The following AIPL1 variants were observed in gnomAD, a reference collection of about 807,000 sequenced individuals.
The protein encoded by AIPL1 is AIP like 1 HSP90 co-chaperone.
A neutral mutation model predicts 32.9 loss-of-function variants in AIPL1; 23 were observed. The observed-to-expected ratio is 0.70, with a 90% confidence interval of 0.50 to 0.99. The LOEUF (loss-of-function observed/expected upper bound fraction) is 0.99, where lower values mean the gene tolerates loss of function less well. Ranked by LOEUF, AIPL1 falls within the 50% of genes least tolerant of loss-of-function variation. AIPL1 has a pLI of 0.00. For synonymous variants in AIPL1, 210 were observed against 209.4 expected, an observed-to-expected ratio of 1.00 and a Z score of -0.02; for missense variants, 485 against 506.0, an observed-to-expected ratio of 0.96 and a Z score of 0.40.
In AIPL1 at chr17:6,426,878, G is replaced by A. The variant is rs1567636943; in HGVS notation, c.642+3C>T. 4.3e-6 allele frequency: 7 copies of A among 1,614,086 alleles called. No individual in the cohort carries two copies. The highest frequency in any genetic ancestry group is 5.9e-6 in the Non-Finnish European group (7 of 1,180,048). On this transcript the variant is annotated splice_donor_region_variant and intron_variant, in intron 4 of 5. Transcript: ENST00000381129. ...TTCCCACCCCTGGCCAGCGGCCTCT[G>A]ACCTTGGTCTGCAGGTTCCTTAGGC... is the stretch of plus-strand genomic sequence containing the variant.
intron 2 of AIPL1, 30 bp downstream of exon 2, chr17:6,433,889 C>T (rs908495747): frequency 3.1e-6 from 5 of 1,609,594 alleles, no homozygotes; most frequent in Non-Finnish European, 4.2e-6. Context: ...AAGACTAGTC[C>T]CAGGAGACAG....
Position 6,425,020 on chromosome 17 carries a change from T to G in AIPL1, c.*440A>C, listed in dbSNP as rs1911764073. On this transcript the variant is annotated 3_prime_UTR_variant, in exon 6 of 6. Transcript: ENST00000381129. ...GTGGGATTCTAGAGAGCTCTAAGTG[T>G]CCTGCGTAAAGTTACAAAAATCACC... The G allele has an allele frequency of 6.3e-6, 1 of 158,774 alleles. No individual in the cohort carries two copies. Among genetic ancestry groups the G allele is most frequent in the Non-Finnish European group, 1.4e-5 (1 of 72,074 alleles). The allele number at this position is 158,774 out of a possible 1,614,324, so 9.8% of individuals were successfully genotyped here.
At chr17:6,427,148 C>G in intron 3 of AIPL1, 91 bp from the exon 4 acceptor site, 1 of 1,418,760 alleles carries the variant, frequency 7.0e-7, no homozygotes, top group Non-Finnish European at 9.9e-7. Context: ...TGGCACATCT[C>G]CCTGAAGTCA....
At position 6,428,419 on chromosome 17, in the gene AIPL1, C is replaced by G. The variant is rs201883601; in HGVS notation, c.364G>C (p.Gly122Arg). 63 of 1,613,454 alleles carry G rather than the reference C, an allele frequency of 3.9e-5. No individual in the cohort carries two copies. Among genetic ancestry groups the G allele is most frequent in the Non-Finnish European group, 5.3e-5 (63 of 1,180,044 alleles). ...DPTEWHVHTC[G>R]LANMFAYHTL... ...TGGTAGGCGAACATGTTGGCCAGCC[C>G]GCACGTGTGCACGTGCCACTCTGTG... The change falls in exon 3 of 6, where the codon GGG becomes CGG. Residue 122 changes from glycine (G) to arginine (R), a missense_variant. By Grantham distance (125) the Gly-to-Arg change is moderately radical (BLOSUM62 -2). Transcript: ENST00000381129.
At chr17:6,429,533 G>A (rs1432935264) in intron 2 of AIPL1, among the ~76,000 whole-genome samples, 3 of 152,318 alleles carry the variant, frequency 2.0e-5, no homozygotes, top group East Asian at 3.9e-4. Flanking sequence ...CCAGCTTACT[G>A]CAGGGAGGGG....
rs1169701817 is a variant in AIPL1, at chr17:6,430,456, C to CAAAAAAAAA, written c.277-1959_277-1951dup. Among the ~76,000 whole-genome samples the CAAAAAAAAA allele has an allele frequency of 4.5e-4, 20 of 44,506 alleles. 2 individuals carry two copies. The highest frequency in any genetic ancestry group is 1.2e-3 in the Admixed American group (4 of 3,370). 29.2% of individuals were successfully genotyped at this position (44,506 alleles called of 152,430 possible). On this transcript the variant is annotated intron_variant, in intron 2 of 5. Coordinates refer to ENST00000381129, the MANE Select transcript of AIPL1 (RefSeq NM_014336.5). The stretch of plus-strand genomic sequence containing the variant: ...GGGCAACAAGAGCGAAAGTCCGTCT[C>CAAAAAAAAA]AAAAAAAAAAAAAAAAAAAAAAAAC...
At position 6,426,671 on chromosome 17, in the gene AIPL1, T is replaced by A; in HGVS notation, c.728A>T (p.Lys243Met). 20 of 1,614,176 alleles carry A rather than the reference T, an allele frequency of 1.2e-5. No individual in the cohort carries two copies. The highest frequency in any genetic ancestry group is 1.7e-5 in the Non-Finnish European group (20 of 1,180,002). The change falls in exon 5 of 6, where the codon AAG becomes ATG. Residue 243 changes from lysine (K) to methionine (M), a missense_variant. Physicochemically the swap from Lys to Met is moderately conservative, Grantham distance 95 (BLOSUM62 -1). Coordinates refer to ENST00000381129, the MANE Select transcript of AIPL1 (RefSeq NM_014336.5). ...CTCCAGCACCTCATAGTACTCCTCC[T>A]TCTTCAGCAGGCACTGGCAGTAGTT... ...ILNYCQCLLK[K>M]EEYYEVLEHT...
rs1443515074 is a variant in AIPL1, at chr17:6,423,846, G to A, written c.*1614C>T. ...GCAGAAGGTAGATGTTAACAACAAG[G>A]AAGATGGAAAAGTAAAGTACATCAG... On this transcript the variant is annotated 3_prime_UTR_variant, in exon 6 of 6. Transcript: ENST00000381129. 6.6e-6 allele frequency: 1 copy of A among 152,292 alleles called. No homozygotes were observed. The highest frequency in any genetic ancestry group is 1.9e-4 in the East Asian group (1 of 5,200). The allele number at this position is 152,292 out of a possible 1,614,324, so 9.4% of individuals were successfully genotyped here.
Position 6,431,457 on chromosome 17 carries a change from G to GAA in AIPL1, c.276+2460_276+2461dup, listed in dbSNP as rs577040505. Among the ~76,000 whole-genome samples, 431 of 142,692 alleles carry GAA rather than the reference G, an allele frequency of 3.0e-3. 3 individuals are homozygous for GAA. Among genetic ancestry groups the GAA allele is most frequent in the African/African-American group, 8.6e-3 (336 of 39,072 alleles). 93.6% of individuals were successfully genotyped at this position (142,692 alleles called of 152,430 possible). A position where few individuals can be genotyped will look rare whatever the true frequency, so the allele number is the denominator to read the frequency against. On this transcript the variant is annotated intron_variant, in intron 2 of 5. Transcript: ENST00000381129. ...GATGACAGAGTGAAACTCCATCTCA[G>GAA]AAAAAAAAAAAAATTCTAGCTCAAA...
chr17:6,428,368 C>A lies in AIPL1; in HGVS notation c.415G>T (p.Glu139Ter). ...AGAGGCTGAGGCTCCTTCTGCAGCT[C>A]GTCCAGGTCCTCGTAGCCCAGCGTG... ...YHTLGYEDLD[E>*]LQKEPQPLVF... The change falls in exon 3 of 6, where the codon GAG (glutamate) becomes TAG (stop). Residue 139 changes from glutamate to a stop codon, truncating the protein, a stop_gained. Coordinates refer to ENST00000381129, the MANE Select transcript of AIPL1 (RefSeq NM_014336.5). LOFTEE classifies it high-confidence loss of function. 2 of 1,612,120 alleles carry A rather than the reference C, an allele frequency of 1.2e-6. No homozygotes were observed. The highest frequency in any genetic ancestry group is 1.3e-5 in the African/African-American group (1 of 75,064).
At chr17:6,433,782 G>A (rs1912865696) in intron 2 of AIPL1, 137 bp downstream of exon 2, 2 of 1,104,114 alleles carry the variant, frequency 1.8e-6, no homozygotes, top group African/African-American at 3.1e-5. Flanking sequence ...CACAGCGGTG[G>A]GGAATAAGTT....
In AIPL1 at chr17:6,426,617, G is replaced by A. The variant is rs1252750900; in HGVS notation, c.782C>T (p.Pro261Leu). ...EHTSDILRHH[P>L]GIVKAYYVRA... ...TCCGCCCCTGCAGCCCCGCGCACCTGGGTGGTGCCGGAGAATATCACTGGT... is the reference window on the plus strand; with the variant it reads ...TCCGCCCCTGCAGCCCCGCGCACCTAGGTGGTGCCGGAGAATATCACTGGT... Residue 261 changes from proline (P) to leucine (L), a missense_variant and splice_region_variant, in exon 5 of 6, where the codon CCA (proline) becomes CTA (leucine). Coordinates refer to ENST00000381129, the MANE Select transcript of AIPL1 (RefSeq NM_014336.5). 1 of 1,613,840 alleles carries A rather than the reference G, an allele frequency of 6.2e-7. No individual in the cohort carries two copies. Among genetic ancestry groups the A allele is most frequent in the South Asian group, 1.1e-5 (1 of 91,066 alleles).
rs62653017 is a variant in AIPL1 at position 6,433,959 on chromosome 17, A to G, written c.236T>C (p.Met79Thr). 6.2e-7 allele frequency: 1 copy of G among 1,614,104 alleles called. No individual in the cohort carries two copies. Among genetic ancestry groups the G allele is most frequent in the Non-Finnish European group, 8.5e-7 (1 of 1,180,016 alleles). ...GAACTCGGCCACCTCGTGCACCCGC[A>G]TGGAGGTAAGCAGGATCTCCCAGAC... ...LEVWEILLTS[M>T]RVHEVAEFWC... The change falls in exon 2 of 6, where the codon ATG (methionine) becomes ACG (threonine). Residue 79 changes from methionine (M) to threonine (T), a missense_variant. Coordinates refer to ENST00000381129, the MANE Select transcript of AIPL1 (RefSeq NM_014336.5).
rs755769539 is a variant in AIPL1 at position 6,425,825 on chromosome 17, C to G, written c.790G>C (p.Val264Leu). Residue 264 changes from valine (V) to leucine (L), a missense_variant, in exon 6 of 6, where the codon GTG (valine) becomes CTG (leucine). Coordinates refer to ENST00000381129, the MANE Select transcript of AIPL1 (RefSeq NM_014336.5). ...CGGGCACGCACGTAGTAGGCCTTCA[C>G]GATGCCTGTGGGGAGCAGGGAGCAT... is the stretch of plus-strand genomic sequence containing the variant. The part of the protein sequence containing the change: ...SDILRHHPGI[V>L]KAYYVRARAH... 3 of 1,603,460 alleles carry G rather than the reference C, an allele frequency of 1.9e-6. No homozygotes were observed. The highest frequency in any genetic ancestry group is 1.3e-5 in the African/African-American group (1 of 74,880).
In AIPL1 at chr17:6,428,303, C is replaced by T. The variant is rs1291924833; in HGVS notation, c.465+15G>A. 1 of 1,604,848 alleles carries T rather than the reference C, an allele frequency of 6.2e-7. No homozygotes were observed. Among genetic ancestry groups the T allele is most frequent in the Admixed American group, 1.7e-5 (1 of 60,004 alleles). On this transcript the variant is annotated intron_variant, in intron 3 of 5. Coordinates refer to ENST00000381129, the MANE Select transcript of AIPL1 (RefSeq NM_014336.5). ...TGCTGGCACAGCCCTCCAGCCCTGC[C>T]AACCCCAGCCCCACCTGCAGCAGCT... is the stretch of plus-strand genomic sequence containing the variant.
In AIPL1 at chr17:6,423,852, G is replaced by A. The variant is rs1911658087; in HGVS notation, c.*1608C>T. ...GGTAGATGTTAACAACAAGGAAGAT[G>A]GAAAAGTAAAGTACATCAGAACTTT... On this transcript the variant is annotated 3_prime_UTR_variant, in exon 6 of 6. Coordinates refer to ENST00000381129, the MANE Select transcript of AIPL1 (RefSeq NM_014336.5). 1 of 152,280 alleles carries A rather than the reference G, an allele frequency of 6.6e-6. No homozygotes were observed. The highest frequency in any genetic ancestry group is 1.5e-5 in the Non-Finnish European group (1 of 68,066). 9.4% of individuals were successfully genotyped at this position (152,280 alleles called of 1,614,324 possible). A position where few individuals can be genotyped will look rare whatever the true frequency, so the allele number is the denominator to read the frequency against.
chr17:6,434,973 G>A (rs2292544), intron 1 of AIPL1, 36 bp downstream of exon 1: 33,543 of 1,612,218 alleles, frequency 0.021, 998 homozygotes, highest in South Asian at 0.1. Flanking sequence ...AAGCTGCTGT[G>A]GGGGACCCTG....
intron 1 of AIPL1, 110 bp from the exon 2 acceptor site, chr17:6,434,208 T>C: frequency 7.8e-7 from 1 of 1,278,384 alleles, no homozygotes; most frequent in Non-Finnish European, 1.1e-6. Context: ...GCTCACTCAG[T>C]TCACCCCATC....
At chr17:6,426,362 G>A (rs1597327037) in intron 5 of AIPL1, 3 of 1,413,570 alleles carry the variant, frequency 2.1e-6, no homozygotes, top group East Asian at 2.6e-5. Context: ...TTACCGTTCC[G>A]CTGAAATCAC....
Sources: gnomAD v4.1 joint callset for allele counts (sites outside exome capture counted in the v4.1 genomes callset) on GRCh38, gnomAD v4.1.1 for gene constraint, MANE v1.5 for transcripts, NCBI Gene and HGNC (gene_info 2026-07-23, HGNC 2026-07-21) for gene names.